The following LRRC32 variants were observed in gnomAD, a reference collection of about 807,000 sequenced individuals.
LRRC32 encodes the protein transforming growth factor beta activator LRRC32.
A neutral mutation model predicts 15.0 loss-of-function variants in LRRC32; 5 were observed. That is an observed-to-expected ratio of 0.33 (90% confidence interval 0.17 to 0.70). The LOEUF (loss-of-function observed/expected upper bound fraction) is 0.70. Ranked by LOEUF, LRRC32 falls within the 30% of genes least tolerant of loss-of-function variation. The pLI, the probability that LRRC32 is intolerant of heterozygous loss-of-function variation, is 0.66. For missense variants in LRRC32, 803 were observed against 854.2 expected, an observed-to-expected ratio of 0.94 and a Z score of 0.75; for synonymous variants, 391 against 403.9, an observed-to-expected ratio of 0.97 and a Z score of 0.38.
Position 76,661,498 on chromosome 11 carries a change from T to C in LRRC32, c.95A>G (p.Lys32Arg). ...DKVPCKMVDK[K>R]VSCQVLGLLQ... Reference sequence around the variant, plus strand: ...CAGGCCCAGAACCTGGCACGAGACCTTCTTGTCCACCTGGGGAGGGGTAGG... The same window carrying C: ...CAGGCCCAGAACCTGGCACGAGACCCTCTTGTCCACCTGGGGAGGGGTAGG... Residue 32 changes from lysine to arginine, a missense_variant, in exon 3 of 3, where the codon AAG becomes AGG. Physicochemically the swap from Lys to Arg is conservative, Grantham distance 26. Transcript: ENST00000260061. The C allele has an allele frequency of 6.2e-7, 1 of 1,603,756 alleles. No individual in the cohort carries two copies. The highest frequency in any genetic ancestry group is 8.5e-7 in the Non-Finnish European group (1 of 1,174,514).
chr11:76,667,911 T>TG (rs987540915), intron 1 of LRRC32, among the ~76,000 whole-genome samples: 1 of 152,230 alleles, frequency 6.6e-6, no homozygotes, highest in Non-Finnish European at 1.5e-5. Flanking sequence ...TCCTCATCCT[T>TG]GGGGTCCCAG....
At position 76,660,750 on chromosome 11, in the gene LRRC32, T is replaced by G. The variant is rs753459732; in HGVS notation, c.843A>C (p.Thr281=). Residue 281 remains threonine, a synonymous_variant, in exon 3 of 3, where the codon ACA becomes ACC. Transcript: ENST00000260061. ...TGCCCTTGCTGTCCTGGGGTGGCCCTGTGGGGAGCCGGATGAGGTTGTTGG... is the reference window on the plus strand; with the variant it reads ...TGCCCTTGCTGTCCTGGGGTGGCCCGGTGGGGAGCCGGATGAGGTTGTTGG... ...NLSNNLIRLP[T]GPPQDSKGIH... 1 of 1,613,710 alleles carries G rather than the reference T, an allele frequency of 6.2e-7. No individual in the cohort carries two copies. Among genetic ancestry groups the G allele is most frequent in the East Asian group, 2.2e-5 (1 of 44,836 alleles).
In LRRC32 at chr11:76,659,638, C is replaced by A; in HGVS notation, c.1955G>T (p.Arg652Leu). The A allele has an allele frequency of 6.2e-7, 1 of 1,614,156 alleles. No homozygotes were observed. Among genetic ancestry groups the A allele is most frequent in the Non-Finnish European group, 8.5e-7 (1 of 1,180,028 alleles). Residue 652 changes from arginine (R) to leucine (L), a missense_variant, in exon 3 of 3, where the codon CGC (arginine) becomes CTC (leucine). Coordinates refer to ENST00000260061, the MANE Select transcript of LRRC32 (RefSeq NM_001128922.2). Reference sequence around the variant, plus strand: ...ATACTGTTGGTTAAACTTCTGCCGGCGGACGCAGCAGCAGGCGGCCAGCGT... The same window carrying A: ...ATACTGTTGGTTAAACTTCTGCCGGAGGACGCAGCAGCAGGCGGCCAGCGT... Reference protein sequence around the residue: ...LTTLAACCCVRRQKFNQQYKA With the variant: ...LTTLAACCCVLRQKFNQQYKA
Position 76,659,763 on chromosome 11 carries a change from C to T in LRRC32, c.1830G>A (p.Leu610=), listed in dbSNP as rs1952478234. ...CACAGTCCTCGGGACGCACGTGGCT[C>T]AGGGACACCTCCTCCTGGGAGCTGA... ...CRFSSQEEVS[L]SHVRPEDCEK... The change falls in exon 3 of 3, where the codon CTG becomes CTA. Residue 610 remains leucine (L), a synonymous_variant. Coordinates refer to ENST00000260061, the MANE Select transcript of LRRC32 (RefSeq NM_001128922.2). 1 of 1,614,118 alleles carries T rather than the reference C, an allele frequency of 6.2e-7. No homozygotes were observed. Among genetic ancestry groups the T allele is most frequent in the Non-Finnish European group, 8.5e-7 (1 of 1,180,044 alleles).
At chr11:76,669,084 C>T (rs1460374100) in intron 1 of LRRC32, among the ~76,000 whole-genome samples, 2 of 152,220 alleles carry the variant, frequency 1.3e-5, no homozygotes, top group African/African-American at 4.8e-5. Context: ...GCCCCAGTGT[C>T]CTGTCTGCAG....
In LRRC32 at chr11:76,661,401, G is replaced by A. The variant is rs372541397; in HGVS notation, c.192C>T (p.Ile64=). The A allele has an allele frequency of 4.3e-5, 70 of 1,614,136 alleles. 1 individual carries two copies. Among genetic ancestry groups the A allele is most frequent in the East Asian group, 2.9e-4 (13 of 44,868 alleles). The change falls in exon 3 of 3, where the codon ATC becomes ATT. Residue 64 remains isoleucine (I), a synonymous_variant. Transcript: ENST00000260061. ...LDLSGNQLRS[I]LASPLGFYTA... is the part of the protein sequence containing the mutation. The stretch of plus-strand genomic sequence containing the variant: ...TGTAGAAGCCCAGGGGTGAGGCCAG[G>A]ATACTCCGCAGCTGGTTCCCAGATA...
chr11:76,668,272 G>A (rs1035223335), intron 1 of LRRC32, among the ~76,000 whole-genome samples: 3 of 151,960 alleles, frequency 2.0e-5, no homozygotes, highest in East Asian at 1.9e-4. Flanking sequence ...AAGAGACCCC[G>A]GATCTTCCTA....
chr11:76,659,194 T>C lies in LRRC32; in HGVS notation c.*410A>G. On this transcript the variant is annotated 3_prime_UTR_variant, in exon 3 of 3. Coordinates refer to ENST00000260061, the MANE Select transcript of LRRC32 (RefSeq NM_001128922.2). ...CTCTGGAGCCCTGGGCTTTCACACC[T>C]CAGGCCCTAAGCACACTGCGTGGCG... is the stretch of plus-strand genomic sequence containing the variant. 1 of 193,348 alleles carries C rather than the reference T, an allele frequency of 5.2e-6. No homozygotes were observed. Among genetic ancestry groups the C allele is most frequent in the Admixed American group, 5.3e-5 (1 of 18,778 alleles). The allele number at this position is 193,348 out of a possible 1,614,324, so 12.0% of individuals were successfully genotyped here.
chr11:76,663,992 G>C (rs1469468020), intron 2 of LRRC32: 7 of 152,194 alleles, frequency 4.6e-5, no homozygotes, highest in Admixed American at 4.6e-4. Context: ...GCCAAGTTCT[G>C]ACCACTGGGC....
At chr11:76,668,705 T>A (rs1952663620) in intron 1 of LRRC32, among the ~76,000 whole-genome samples, 1 of 152,210 alleles carries the variant, frequency 6.6e-6, no homozygotes, top group Non-Finnish European at 1.5e-5. Flanking sequence ...TAAAGACTAG[T>A]GAACAAGTGG....
rs1012518124 is a variant in LRRC32, at chr11:76,658,129, G to A, written c.*1475C>T. On this transcript the variant is annotated 3_prime_UTR_variant, in exon 3 of 3. Transcript: ENST00000260061. ...ATCTTGTGATGTGATAGCTGAGAGA[G>A]GACATCACTCTGGTCCAACCCCCAA... is the stretch of plus-strand genomic sequence containing the variant. The A allele has an allele frequency of 6.6e-6, 1 of 152,366 alleles. No homozygotes were observed. Among genetic ancestry groups the A allele is most frequent in the Non-Finnish European group, 1.5e-5 (1 of 68,078 alleles). The allele number at this position is 152,366 out of a possible 1,614,324, so 9.4% of individuals were successfully genotyped here.
chr11:76,660,897 G>C lies in LRRC32; in HGVS notation c.696C>G (p.Ala232=), dbSNP rs180783243. The change falls in exon 3 of 3, where the codon GCC becomes GCG. Residue 232 remains alanine (A), a synonymous_variant. Coordinates refer to ENST00000260061, the MANE Select transcript of LRRC32 (RefSeq NM_001128922.2). ...CCTGGGGCTGGGAGGCCGTCTGAAA[G>C]GCCTCGATGCTGTTGCAGCTCAGGT... ...VLDLSCNSIE[A]FQTASQPQAE... 17 of 1,614,216 alleles carry C rather than the reference G, an allele frequency of 1.1e-5. No homozygotes were observed. The African/African-American group carries it at 2.3e-4, about 22-fold the overall frequency.
In LRRC32 at chr11:76,665,956, G is replaced by T; in HGVS notation, c.-2C>A. ...GAGCAGCAGGATCTGGGGTCTCATG[G>T]CTCTGTGTAAGGCGGAGAGGAAAGG... On this transcript the variant is annotated splice_region_variant and 5_prime_UTR_variant, in exon 2 of 3. Coordinates refer to ENST00000260061, the MANE Select transcript of LRRC32 (RefSeq NM_001128922.2). The T allele has an allele frequency of 6.2e-7, 1 of 1,613,890 alleles. No individual in the cohort carries two copies. Among genetic ancestry groups the T allele is most frequent in the East Asian group, 2.2e-5 (1 of 44,876 alleles).
In LRRC32 at chr11:76,661,024, T is replaced by A; in HGVS notation, c.569A>T (p.Asp190Val). 1 of 1,614,142 alleles carries A rather than the reference T, an allele frequency of 6.2e-7. No homozygotes were observed. The highest frequency in any genetic ancestry group is 2.2e-5 in the East Asian group (1 of 44,880). The stretch of plus-strand genomic sequence containing the variant: ...GCGGGGCAGACCCTCGAAGGCGCCA[T>A]CCTCGATGTCCATCAGCACGTTGCT... ...LHSNVLMDIE[D>V]GAFEGLPRLT... The change falls in exon 3 of 3, where the codon GAT becomes GTT. Residue 190 changes from aspartate (D) to valine (V), a missense_variant. By Grantham distance (152) the Asp-to-Val change is radical (BLOSUM62 -3). Transcript: ENST00000260061.
chr11:76,662,811 G>T (rs996151454), intron 2 of LRRC32: 1 of 152,328 alleles, frequency 6.6e-6, no homozygotes, highest in African/African-American at 2.4e-5. Context: ...CTTCTCCACG[G>T]TGAAGTCCAG....
chr11:76,660,344 G>T lies in LRRC32; in HGVS notation c.1249C>A (p.Leu417Met). 6.2e-7 allele frequency: 1 copy of T among 1,611,970 alleles called. No individual in the cohort carries two copies. Among genetic ancestry groups the T allele is most frequent in the Non-Finnish European group, 8.5e-7 (1 of 1,179,180 alleles). ...ANLASLQRLN[L>M]QGNRVSPCGG... ...CAGGGGCTGACTCGGTTCCCCTGCA[G>T]GTTGAGCCGCTGCAGGCTGGCCAGA... The change falls in exon 3 of 3, where the codon CTG becomes ATG. Residue 417 changes from leucine to methionine, a missense_variant. Leu to Met is a conservative substitution (Grantham distance 15, BLOSUM62 2). Coordinates refer to ENST00000260061, the MANE Select transcript of LRRC32 (RefSeq NM_001128922.2).
In LRRC32 at chr11:76,660,188, T is replaced by C; in HGVS notation, c.1405A>G (p.Thr469Ala). Residue 469 changes from threonine to alanine, a missense_variant, in exon 3 of 3, where the codon ACT becomes GCT. By Grantham distance (58) the Thr-to-Ala change is moderately conservative. Coordinates refer to ENST00000260061, the MANE Select transcript of LRRC32 (RefSeq NM_001128922.2). ...GGATTGGAAGAAAGGTCCAGCTCAG[T>C]CAGTGGGGTGTGGAGGAAGGCCCCT... ...RAGAFLHTPL[T>A]ELDLSSNPGL... 4.4e-6 allele frequency: 7 copies of C among 1,589,468 alleles called. No individual in the cohort carries two copies. Among genetic ancestry groups the C allele is most frequent in the Non-Finnish European group, 6.0e-6 (7 of 1,168,346 alleles).
Position 76,660,773 on chromosome 11 carries a change from TGGACAAGTTCAG to T in LRRC32, c.808_819del (p.Leu270_Ser273del), listed in dbSNP as rs772805346. The T allele has an allele frequency of 4.3e-6, 7 of 1,613,820 alleles. No individual in the cohort carries two copies. Among genetic ancestry groups the T allele is most frequent in the African/African-American group, 1.3e-5 (1 of 74,830 alleles). ...CCTGTGGGGAGCCGGATGAGGTTGT[TGGACAAGTTCAG>T]GTAGATGAGTCTCGGGAGCGCGGCC... On this transcript the variant is annotated inframe_deletion, in exon 3 of 3. Coordinates refer to ENST00000260061, the MANE Select transcript of LRRC32 (RefSeq NM_001128922.2).
chr11:76,669,386 T>TGTGTGTGA (rs1439284769), intron 1 of LRRC32, among the ~76,000 whole-genome samples: 57 of 127,936 alleles, frequency 4.5e-4, no homozygotes, highest in Middle Eastern at 4.1e-3. Flanking sequence ...TGTGTGTGTG[T>TGTGTGTGA]GAGAGAGAGA....
Sources: gnomAD v4.1 joint callset for allele counts (sites outside exome capture counted in the v4.1 genomes callset) on GRCh38, gnomAD v4.1.1 for gene constraint, MANE v1.5 for transcripts, NCBI Gene and HGNC (gene_info 2026-07-23, HGNC 2026-07-21) for gene names.